The following ICA1 variants were observed in gnomAD, a reference collection of about 807,000 sequenced individuals.
ICA1 encodes 69 kDa islet cell autoantigen.
ICA1 carries 40 observed loss-of-function variants against 71.0 expected under a neutral mutation model. That is an observed-to-expected ratio of 0.56 (90% CI 0.44 to 0.73). ICA1 has a LOEUF of 0.73. Among genes scored for constraint, ICA1 ranks in the 30% least tolerant of loss-of-function variants. The pLI, the probability that ICA1 is intolerant of heterozygous loss-of-function variation, is 0.00. For missense variants in ICA1, 578 were observed against 576.5 expected (o/e 1.00, Z -0.03); for synonymous variants, 207 against 209.5 (o/e 0.99, Z 0.10).
intron 3 of ICA1, 134 bp from the exon 4 acceptor site, chr7:8,228,807 C>T (rs7781961): frequency 0.026 from 14,123 of 539,914 alleles, 1,438 homozygotes; most frequent in African/African-American, 0.23. Context: ...TAGTGTTATG[C>T]GGTGTACTAT....
At chr7:8,228,350 A>G (rs1799261766) in intron 4 of ICA1, among the ~76,000 whole-genome samples, 1 of 152,232 alleles carries the variant, frequency 6.6e-6, no homozygotes, top group Non-Finnish European at 1.5e-5. Context: ...AAACTCTTTT[A>G]TAATTGGGAA....
At chr7:8,178,120 A>C (rs548811469) in intron 6 of ICA1, among the ~76,000 whole-genome samples, 4 of 152,310 alleles carry the variant, frequency 2.6e-5, no homozygotes, top group South Asian at 2.1e-4. Context: ...AAGCAGTTTC[A>C]TCTTTGTAAG....
chr7:8,261,446 G>A (rs1812344010), intron 1 of ICA1, among the ~76,000 whole-genome samples: 1 of 152,142 alleles, frequency 6.6e-6, no homozygotes, highest in African/African-American at 2.4e-5. Flanking sequence ...GGAAACGGGC[G>A]CGCCAGGGTT....
chr7:8,174,087 A>C (rs1779721160), intron 6 of ICA1, among the ~76,000 whole-genome samples: 1 of 152,142 alleles, frequency 6.6e-6, no homozygotes, highest in Non-Finnish European at 1.5e-5. Context: ...GAAATGAGGA[A>C]GCAAACCATA....
intron 1 of ICA1, among the ~76,000 whole-genome samples, chr7:8,257,289 C>G (rs1583947287): frequency 6.6e-6 from 1 of 152,096 alleles, no homozygotes; most frequent in African/African-American, 2.4e-5. Flanking sequence ...AATGCTCTAC[C>G]CTGGAAATAT....
chr7:8,226,720 C>T lies in ICA1; in HGVS notation c.256+1881G>A, dbSNP rs1275931283. On this transcript the variant is annotated intron_variant, in intron 4 of 13. Coordinates refer to ENST00000402384, the MANE Select transcript of ICA1 (RefSeq NM_001136020.3). The surrounding 1 kb of genome is among the most constrained non-coding windows in gnomAD (Gnocchi z 4.4). ...GGCTCATGTGAGCTTAGCGGGTAGA[C>T]ATAAAAGGGCTTATCTACCATCCAC... is the stretch of plus-strand genomic sequence containing the variant. 2.0e-5 allele frequency among the ~76,000 whole-genome samples: 3 copies of T among 152,202 alleles called. No individual in the cohort carries two copies. The highest frequency in any genetic ancestry group is 7.2e-5 in the African/African-American group (3 of 41,456).
chr7:8,167,140 T>C (rs1806302137), intron 6 of ICA1, among the ~76,000 whole-genome samples: 1 of 152,214 alleles, frequency 6.6e-6, no homozygotes, highest in African/African-American at 2.4e-5. Context: ...TCCAAAGGAA[T>C]GTAAATCATT....
intron 13 of ICA1, among the ~76,000 whole-genome samples, chr7:8,117,251 G>A (rs1007414658): frequency 2.6e-5 from 4 of 152,112 alleles, no homozygotes; most frequent in African/African-American, 9.7e-5. Context: ...CCAGTCTTGG[G>A]CAGTTCTTTA....
chr7:8,167,640 A>G, intron 6 of ICA1, among the ~76,000 whole-genome samples: 1 of 152,212 alleles, frequency 6.6e-6, no homozygotes, highest in East Asian at 1.9e-4. Flanking sequence ...AATGTTAAAA[A>G]AAAGCATTAT....
At chr7:8,187,189 T>C (rs1784170084) in intron 6 of ICA1, among the ~76,000 whole-genome samples, 1 of 152,192 alleles carries the variant, frequency 6.6e-6, no homozygotes, top group Non-Finnish European at 1.5e-5. Context: ...ATAGCACCTA[T>C]TACACACCTA....
At position 8,222,712 on chromosome 7, in the gene ICA1, A is replaced by G. The variant is rs1797489636; in HGVS notation, c.257-1314T>C. Among the ~76,000 whole-genome samples the G allele has an allele frequency of 6.6e-6, 1 of 152,182 alleles. No individual in the cohort carries two copies. The highest frequency in any genetic ancestry group is 6.5e-5 in the Admixed American group (1 of 15,268). ...CATTTTTCCTGAGAGATAAATGATG[A>G]CCCTGCTTCTCTTCTGTCTCTCAAA... On this transcript the variant is annotated intron_variant, in intron 4 of 13. Coordinates refer to ENST00000402384, the MANE Select transcript of ICA1 (RefSeq NM_001136020.3). This position sits in a 1 kb window ranked among gnomAD's most constrained non-coding sequence, Gnocchi z 4.8.
chr7:8,135,049 CAG>C (rs1792917879), intron 12 of ICA1, among the ~76,000 whole-genome samples: 1 of 151,240 alleles, frequency 6.6e-6, no homozygotes, highest in African/African-American at 2.4e-5. Flanking sequence ...TTTTTTGAGA[CAG>C]AGTGTTACTC....
At chr7:8,120,479 G>C (rs1786481532) in intron 13 of ICA1, among the ~76,000 whole-genome samples, 1 of 152,178 alleles carries the variant, frequency 6.6e-6, no homozygotes, top group African/African-American at 2.4e-5. Context: ...TATGTAAAGA[G>C]AACTTAGTGT....
chr7:8,218,546 G>T, intron 5 of ICA1, 43 bp from the exon 6 acceptor site: 2 of 1,537,578 alleles, frequency 1.3e-6, no homozygotes, highest in Non-Finnish European at 1.8e-6. Context: ...CTAAGCCAGT[G>T]AGCAATTTAA....
intron 6 of ICA1, among the ~76,000 whole-genome samples, chr7:8,189,552 C>T (rs1025693485): frequency 3.3e-5 from 5 of 152,176 alleles, no homozygotes; most frequent in Admixed American, 1.3e-4. Context: ...CCCATGGAGG[C>T]AGGTTTTTTC....
In ICA1 at chr7:8,222,450, T is replaced by A. The variant is rs1373797866; in HGVS notation, c.257-1052A>T. Among the ~76,000 whole-genome samples, 1 of 152,224 alleles carries A rather than the reference T, an allele frequency of 6.6e-6. No individual in the cohort carries two copies. The highest frequency in any genetic ancestry group is 1.5e-5 in the Non-Finnish European group (1 of 68,040). On this transcript the variant is annotated intron_variant, in intron 4 of 13. Coordinates refer to ENST00000402384, the MANE Select transcript of ICA1 (RefSeq NM_001136020.3). This position sits in a 1 kb window ranked among gnomAD's most constrained non-coding sequence, Gnocchi z 4.8. ...TTTACATACCCTGTGTCTCTAAAAC[T>A]GCTTTCTAAATGCTACTAGGATTCT...
chr7:8,196,598 G>A (rs1361124488), intron 6 of ICA1, among the ~76,000 whole-genome samples: 5 of 152,188 alleles, frequency 3.3e-5, no homozygotes, highest in Admixed American at 6.5e-5. Flanking sequence ...CTGTGTGTAT[G>A]CACTGGGTAT....
At chr7:8,195,775 C>T (rs62433175) in intron 6 of ICA1, among the ~76,000 whole-genome samples, 35,164 of 151,812 alleles carry the variant, frequency 0.23, 4,196 homozygotes, top group Admixed American at 0.28. Context: ...GTCAGGAGTT[C>T]GAGACCAGCC....
intron 1 of ICA1, among the ~76,000 whole-genome samples, chr7:8,241,698 CA>C (rs1404890278): frequency 6.6e-6 from 1 of 151,932 alleles, no homozygotes; most frequent in African/African-American, 2.4e-5. Flanking sequence ...CACATAGGCT[CA>C]AAATAAAGGG....
Sources: gnomAD v4.1 joint callset for allele counts (sites outside exome capture counted in the v4.1 genomes callset) on GRCh38, gnomAD v4.1.1 for gene constraint, Gnocchi (gnomAD v3.1) non-coding constraint, MANE v1.5 for transcripts, NCBI Gene and HGNC (gene_info 2026-07-23, HGNC 2026-07-21) for gene names.